The following TBC1D4 variants were observed in gnomAD, a reference collection of about 807,000 sequenced individuals.
TBC1D4 encodes TBC1 domain family member 4.
A neutral mutation model predicts 142.5 loss-of-function variants in TBC1D4; 121 were observed. The ratio of observed to expected loss-of-function variants is 0.85; its 90% CI spans 0.73 to 0.99. The LOEUF (loss-of-function observed/expected upper bound fraction) is 0.99, where lower values mean the gene tolerates loss of function less well. TBC1D4 is among the 50% of genes least tolerant of loss of function. The pLI is 0.00. For synonymous variants in TBC1D4, 630 were observed against 628.2 expected, an observed-to-expected ratio of 1.00 and a Z score of -0.04; for missense variants, 1,475 against 1,606.6, an observed-to-expected ratio of 0.92 and a Z score of 1.40.
At chr13:75,339,246 T>C (rs1400521821) in intron 7 of TBC1D4, among the ~76,000 whole-genome samples, 1 of 152,188 alleles carries the variant, frequency 6.6e-6, no homozygotes, top group Non-Finnish European at 1.5e-5. Flanking sequence ...AAATCACTTA[T>C]CACATATTCT....
Position 75,285,331 on chromosome 13 carries a change from C to T in TBC1D4, c.*1461G>A, listed in dbSNP as rs1180798760. The T allele has an allele frequency of 6.6e-6, 1 of 152,138 alleles. No individual in the cohort carries two copies. The highest frequency in any genetic ancestry group is 2.4e-5 in the African/African-American group (1 of 41,438). The allele number at this position is 152,138 out of a possible 1,614,324, so 9.4% of individuals were successfully genotyped here. A position where few individuals can be genotyped will look rare whatever the true frequency, so the allele number is the denominator to read the frequency against. ...ATACATTTTCACTGTGTATAACAAA[C>T]TCCCTTTGAAGAAAATTACCCCAGA... On this transcript the variant is annotated 3_prime_UTR_variant, in exon 21 of 21. Coordinates refer to ENST00000377636, the MANE Select transcript of TBC1D4 (RefSeq NM_014832.5).
intron 1 of TBC1D4, among the ~76,000 whole-genome samples, chr13:75,371,038 G>A (rs1462487768): frequency 6.6e-6 from 1 of 152,160 alleles, no homozygotes; most frequent in Non-Finnish European, 1.5e-5. Flanking sequence ...AACCAGGAGA[G>A]AATGGCATCC....
rs760265021 is a variant in TBC1D4 at position 75,336,914 on chromosome 13, A to C, written c.1731+7T>G. Reference sequence around the variant, plus strand: ...GCATACTTGAAAGACCATTGGTGCAATCTTACCCTTGAGAAGATATTTTCC... The same window carrying C: ...GCATACTTGAAAGACCATTGGTGCACTCTTACCCTTGAGAAGATATTTTCC... On this transcript the variant is annotated splice_region_variant and intron_variant, in intron 8 of 20. Transcript: ENST00000377636. The C allele has an allele frequency of 6.2e-7, 1 of 1,613,652 alleles. No individual in the cohort carries two copies. The highest frequency in any genetic ancestry group is 1.7e-5 in the Admixed American group (1 of 60,008).
intron 1 of TBC1D4, among the ~76,000 whole-genome samples, chr13:75,410,540 C>T (rs1281009023): frequency 1.3e-5 from 2 of 152,212 alleles, no homozygotes; most frequent in Non-Finnish European, 2.9e-5. Context: ...CACCACACTA[C>T]ATGATGTGCA....
At chr13:75,368,949 C>G (rs9573530) in intron 1 of TBC1D4, among the ~76,000 whole-genome samples, 122,454 of 152,058 alleles carry the variant, frequency 0.81, 49,714 homozygotes, top group African/African-American at 0.92. Flanking sequence ...GAGGCTGAGG[C>G]AGGAGAACCG....
At chr13:75,415,054 G>A (rs763921971) in intron 1 of TBC1D4, among the ~76,000 whole-genome samples, 19 of 151,592 alleles carry the variant, frequency 1.3e-4, no homozygotes, top group Non-Finnish European at 2.5e-4. Context: ...AACCCAGGAG[G>A]TGGAGGTTTC....
intron 15 of TBC1D4, chr13:75,302,905 T>C (rs547619483): frequency 5.6e-6 from 1 of 177,988 alleles, no homozygotes; most frequent in African/African-American, 2.4e-5. Context: ...CTATTTTCAC[T>C]CTTTATCTGG....
At chr13:75,291,051 T>G (rs1173034661) in intron 19 of TBC1D4, among the ~76,000 whole-genome samples, 1 of 152,202 alleles carries the variant, frequency 6.6e-6, no homozygotes, top group African/African-American at 2.4e-5. Flanking sequence ...CAGCAATATA[T>G]AGCTACCACT....
chr13:75,388,976 A>G (rs1293809970), intron 1 of TBC1D4, among the ~76,000 whole-genome samples: 2 of 152,202 alleles, frequency 1.3e-5, no homozygotes, highest in Admixed American at 1.3e-4. Flanking sequence ...CTCTAACTTT[A>G]GTTTTTTGTG....
chr13:75,371,835 G>T (rs1225870910), intron 1 of TBC1D4, among the ~76,000 whole-genome samples: 1 of 152,064 alleles, frequency 6.6e-6, no homozygotes, highest in Non-Finnish European at 1.5e-5. Context: ...ATTTATATAA[G>T]GAATAAAGTT....
intron 1 of TBC1D4, among the ~76,000 whole-genome samples, chr13:75,407,723 A>G (rs1182120426): frequency 6.6e-6 from 1 of 152,154 alleles, no homozygotes; most frequent in Non-Finnish European, 1.5e-5. Context: ...AGCTGAAACC[A>G]CAAGTTTTTC....
intron 8 of TBC1D4, among the ~76,000 whole-genome samples, chr13:75,333,532 A>T (rs895882365): frequency 1.1e-4 from 16 of 152,120 alleles, no homozygotes; most frequent in Admixed American, 9.2e-4. Flanking sequence ...CAGTACAAAA[A>T]TTTTTTTTCC....
chr13:75,349,259 G>A lies in TBC1D4; in HGVS notation c.1319C>T (p.Ala440Val), dbSNP rs1219378601. 9.3e-6 allele frequency: 15 copies of A among 1,613,922 alleles called. No homozygotes were observed. Among genetic ancestry groups the A allele is most frequent in the South Asian group, 2.2e-5 (2 of 91,064 alleles). ...CGTCTTGGCACTCTGCAGGGCAGCC[G>A]CCGTACTGAAGGCCTGTTTCAGAGT... The part of the protein sequence containing the change: ...MLTLKQAFST[A>V]AALQSAKTQI... The change falls in exon 5 of 21, where the codon GCG becomes GTG. Residue 440 changes from alanine to valine, a missense_variant. Physicochemically the swap from Ala to Val is moderately conservative, Grantham distance 64. This residue lies in a region of TBC1D4 where 1,227 missense variants were observed against 1,267.7 expected (regional missense o/e 0.97). Transcript: ENST00000377636.
At chr13:75,417,941 T>A (rs185264180) in intron 1 of TBC1D4, among the ~76,000 whole-genome samples, 2 of 152,334 alleles carry the variant, frequency 1.3e-5, no homozygotes, top group East Asian at 3.9e-4. Flanking sequence ...GTGGTAATGA[T>A]ACTACCACCA....
At chr13:75,476,221 C>T (rs919556799) in intron 1 of TBC1D4, among the ~76,000 whole-genome samples, 4 of 152,020 alleles carry the variant, frequency 2.6e-5, no homozygotes, top group South Asian at 2.1e-4. Flanking sequence ...CCAGCCTGGG[C>T]GACAGTGCGA....
chr13:75,472,900 C>T (rs1888474038), intron 1 of TBC1D4, among the ~76,000 whole-genome samples: 1 of 152,214 alleles, frequency 6.6e-6, no homozygotes, highest in Non-Finnish European at 1.5e-5. Flanking sequence ...AGCTCTCAGA[C>T]TGCCCAGCCA....
chr13:75,295,301 G>GCATT (rs1875795132), intron 17 of TBC1D4, among the ~76,000 whole-genome samples: 2 of 152,114 alleles, frequency 1.3e-5, no homozygotes, highest in Non-Finnish European at 2.9e-5. Context: ...CTGTAGGGAG[G>GCATT]CATTGCTTTT....
intron 1 of TBC1D4, among the ~76,000 whole-genome samples, chr13:75,403,439 T>G (rs183137519): frequency 3.9e-5 from 6 of 152,226 alleles, no homozygotes; most frequent in Admixed American, 6.5e-5. Context: ...TATTCTTGTA[T>G]GTTAACAGGT....
At chr13:75,394,929 A>G (rs768658468) in intron 1 of TBC1D4, among the ~76,000 whole-genome samples, 1 of 152,232 alleles carries the variant, frequency 6.6e-6, no homozygotes, top group East Asian at 1.9e-4. Flanking sequence ...AATTTGACAG[A>G]GCATACAGGT....
Sources: allele counts gnomAD v4.1 joint callset (sites outside exome capture counted in the v4.1 genomes callset), GRCh38; gene constraint gnomAD v4.1.1; regional missense constraint gnomAD v4.1.1; transcripts MANE v1.5; gene names NCBI Gene and HGNC (gene_info 2026-07-23, HGNC 2026-07-21).